The following ZFHX3 variants were observed in gnomAD, a reference collection of about 807,000 sequenced individuals.
ZFHX3 encodes the protein zinc finger homeobox protein 3.
A neutral mutation model predicts 279.1 loss-of-function variants in ZFHX3; 42 were observed. The observed-to-expected ratio is 0.15, with a 90% CI of 0.12 to 0.19. The LOEUF (loss-of-function observed/expected upper bound fraction) is 0.19, where lower values mean the gene tolerates loss of function less well. Ranked by LOEUF, ZFHX3 falls within the 10% of genes least tolerant of loss-of-function variation. The pLI is 1.00. For missense variants in ZFHX3, 4,981 were observed against 4,754.0 expected (o/e 1.05, Z -1.40); for synonymous variants, 2,293 against 1,957.8 (o/e 1.17, Z -4.52).
chr16:72,907,545 T>TG (rs2039208549), intron 3 of ZFHX3, among the ~76,000 whole-genome samples: 13 of 120,404 alleles, frequency 1.1e-4, no homozygotes, highest in African/African-American at 1.9e-4. Context: ...TTTCCTCTAT[T>TG]TGTGTGTGTG....
intron 3 of ZFHX3, among the ~76,000 whole-genome samples, chr16:73,354,873 A>C (rs561055081): frequency 6.6e-6 from 1 of 151,642 alleles, no homozygotes; most frequent in Non-Finnish European, 1.5e-5. Context: ...TTCATTTAAA[A>C]CCCTCTCTCT....
intron 3 of ZFHX3, among the ~76,000 whole-genome samples, chr16:73,445,318 A>G (rs1437539330): frequency 9.9e-6 from 1 of 101,298 alleles, no homozygotes; most frequent in African/African-American, 3.3e-5. Context: ...GTGTGTGTAT[A>G]TGTATGGGGG....
chr16:73,037,487 G>T (rs1964953245), intron 1 of ZFHX3, among the ~76,000 whole-genome samples: 1 of 152,174 alleles, frequency 6.6e-6, no homozygotes, highest in South Asian at 2.1e-4. Context: ...CCCGGCGACA[G>T]TTTCAATAAG....
intron 3 of ZFHX3, among the ~76,000 whole-genome samples, chr16:73,344,551 T>C (rs1317246995): frequency 1.3e-5 from 2 of 152,258 alleles, no homozygotes; most frequent in Non-Finnish European, 2.9e-5. Context: ...TTCAATTTTC[T>C]GATTTAGATA....
chr16:73,331,189 C>T (rs1009603069), intron 3 of ZFHX3, among the ~76,000 whole-genome samples: 5 of 152,112 alleles, frequency 3.3e-5, no homozygotes, highest in Admixed American at 6.5e-5. Context: ...GGGAAAGCCC[C>T]GTATAAAACC....
At chr16:73,277,350 A>C (rs2014326751) in intron 4 of ZFHX3, among the ~76,000 whole-genome samples, 1 of 152,198 alleles carries the variant, frequency 6.6e-6, no homozygotes, top group Admixed American at 6.5e-5. Context: ...AATCATTCTC[A>C]AGGGCAGCAC....
At chr16:73,022,296 C>T (rs1964329510) in intron 1 of ZFHX3, among the ~76,000 whole-genome samples, 1 of 152,158 alleles carries the variant, frequency 6.6e-6, no homozygotes, top group African/African-American at 2.4e-5. Context: ...GCTGAGAAAG[C>T]CAGGCTGGGA....
chr16:73,031,722 C>A (rs765285830), intron 1 of ZFHX3, among the ~76,000 whole-genome samples: 43 of 152,174 alleles, frequency 2.8e-4, no homozygotes, highest in Non-Finnish European at 2.5e-4. Context: ...TGAACCAGAA[C>A]GCGGGCGTGC....
In ZFHX3 at chr16:73,132,780, C is replaced by T. The variant is rs996868145; in HGVS notation, c.-1023-1686G>A. Among the ~76,000 whole-genome samples the T allele has an allele frequency of 7.9e-5, 12 of 152,278 alleles. 1 individual carries two copies. Among genetic ancestry groups the T allele is most frequent in the Admixed American group, 2.6e-4 (4 of 15,292 alleles). The stretch of plus-strand genomic sequence containing the variant: ...TGATTAATCGTGTCACAGTCACAGC[C>T]TCAGTTCAGGTTCAACCTTTTAAAA... On this transcript the variant is annotated intron_variant, in intron 6 of 17. Transcript: ENST00000641206.
chr16:73,870,426 G>A lies in ZFHX3; in HGVS notation c.-1608+21225C>T, dbSNP rs80254226. Among the ~76,000 whole-genome samples the A allele has an allele frequency of 5.0e-4, 76 of 152,326 alleles. No individual in the cohort carries two copies. The East Asian group carries it at 0.014, about 27-fold the overall frequency. On this transcript the variant is annotated intron_variant, in intron 1 of 17. Transcript: ENST00000641206. ...CTACGGAGGAGAGACAAGACTCAAG[G>A]AGAGAGAAACCAAAACGAGGGCGGA... is the stretch of plus-strand genomic sequence containing the variant.
intron 1 of ZFHX3, among the ~76,000 whole-genome samples, chr16:73,744,738 C>T (rs1485437087): frequency 2.6e-5 from 4 of 152,144 alleles, no homozygotes; most frequent in Admixed American, 2.0e-4. Context: ...CAAGACCAGT[C>T]GATATTTCTG....
At chr16:73,254,286 C>T (rs2013599590) in intron 5 of ZFHX3, among the ~76,000 whole-genome samples, 1 of 152,100 alleles carries the variant, frequency 6.6e-6, no homozygotes, top group Non-Finnish European at 1.5e-5. Context: ...ACTTGTGTAG[C>T]AGGTTGAAGC....
chr16:73,579,502 T>A (rs1442559297), intron 2 of ZFHX3, among the ~76,000 whole-genome samples: 2 of 151,380 alleles, frequency 1.3e-5, no homozygotes, highest in African/African-American at 4.8e-5. Flanking sequence ...CTAATTATTA[T>A]AATCTTTTTT....
At position 72,793,588 on chromosome 16, in the gene ZFHX3, T is replaced by G. The variant is rs747701772; in HGVS notation, c.9094A>C (p.Lys3032Gln). 8 of 1,614,116 alleles carry G rather than the reference T, an allele frequency of 5.0e-6. No individual in the cohort carries two copies. Among genetic ancestry groups the G allele is most frequent in the Non-Finnish European group, 6.8e-6 (8 of 1,180,044 alleles). Reference sequence around the variant, plus strand: ...CGTACAGACAGCCGAGCGCTGTACTTGATGCCACACAAAGTGCACTCTGTT... The same window carrying G: ...CGTACAGACAGCCGAGCGCTGTACTGGATGCCACACAAAGTGCACTCTGTT... Reference protein sequence around the residue: ...PKTECTLCGIKYSARLSVRDH... With the variant: ...PKTECTLCGIQYSARLSVRDH... Residue 3032 changes from lysine (K) to glutamine (Q), a missense_variant, in exon 9 of 10, where the codon AAG (lysine) becomes CAG (glutamine). This residue lies in a region of ZFHX3 where 168 missense variants were observed against 249.1 expected (regional missense o/e 0.67). Transcript: ENST00000268489. This position sits in a 1 kb window ranked among gnomAD's most constrained non-coding sequence, Gnocchi z 4.3.
chr16:73,336,286 T>C (rs575615058), intron 3 of ZFHX3, among the ~76,000 whole-genome samples: 16 of 152,200 alleles, frequency 1.1e-4, no homozygotes, highest in Non-Finnish European at 2.1e-4. Context: ...AGGTCTGTTA[T>C]ATGGGTAAAT....
chr16:73,773,195 G>C lies in ZFHX3; in HGVS notation c.-1607-92955C>G, dbSNP rs2054038530. Among the ~76,000 whole-genome samples the C allele has an allele frequency of 2.6e-5, 4 of 152,218 alleles. No homozygotes were observed. In the South Asian group the frequency reaches 8.3e-4, roughly 31 times the overall value. ...ATCTCAAATGCTCAATGGCCACAGTGGCTAGTGGCTACCGTGTTGCACGGC... is the reference window on the plus strand; with the variant it reads ...ATCTCAAATGCTCAATGGCCACAGTCGCTAGTGGCTACCGTGTTGCACGGC... On this transcript the variant is annotated intron_variant, in intron 1 of 17. Transcript: ENST00000641206.
At chr16:72,910,022 T>C (rs901618125) in intron 3 of ZFHX3, among the ~76,000 whole-genome samples, 1 of 152,166 alleles carries the variant, frequency 6.6e-6, no homozygotes, top group Non-Finnish European at 1.5e-5. Flanking sequence ...TCAACTTCAC[T>C]GCTTGTTTTC....
chr16:72,926,258 A>G (rs563705714), intron 3 of ZFHX3, among the ~76,000 whole-genome samples: 1 of 152,336 alleles, frequency 6.6e-6, no homozygotes, highest in Admixed American at 6.5e-5. Flanking sequence ...CATAGTAACC[A>G]ACTAAACAGT....
chr16:73,300,286 G>T, intron 4 of ZFHX3, among the ~76,000 whole-genome samples: 1 of 109,584 alleles, frequency 9.1e-6, no homozygotes, highest in Admixed American at 8.7e-5. Flanking sequence ...AAAAAAAAAG[G>T]ACTCCCTGAA....
Sources: gnomAD v4.1 joint callset for allele counts (sites outside exome capture counted in the v4.1 genomes callset) on GRCh38, gnomAD v4.1.1 for gene constraint, gnomAD v4.1.1 regional missense constraint, Gnocchi (gnomAD v3.1) non-coding constraint, MANE v1.5 for transcripts, NCBI Gene and HGNC (gene_info 2026-07-23, HGNC 2026-07-21) for gene names.